The following RYR3 variants were observed in gnomAD, a reference collection of about 807,000 sequenced individuals.
RYR3 encodes brain ryanodine receptor-calcium release channel.
RYR3 carries 207 observed loss-of-function variants against 584.3 expected under a neutral mutation model. The ratio of observed to expected loss-of-function variants is 0.35; its 90% CI spans 0.32 to 0.40. RYR3 has a LOEUF of 0.40. Among genes scored for constraint, RYR3 ranks in the 10% least tolerant of loss-of-function variants. The pLI is 1.00. For synonymous variants in RYR3, 2,416 were observed against 2,248.5 expected (o/e 1.07, Z -2.11); for missense variants, 5,616 against 6,089.2 (o/e 0.92, Z 2.59).
At chr15:33,396,525 T>C (rs984537814) in intron 1 of RYR3, among the ~76,000 whole-genome samples, 1 of 152,196 alleles carries the variant, frequency 6.6e-6, no homozygotes, top group Non-Finnish European at 1.5e-5. Flanking sequence ...AGATGAGAGA[T>C]CTCAAGCCCC....
chr15:33,490,378 G>A (rs747199183), intron 2 of RYR3, among the ~76,000 whole-genome samples: 14 of 152,130 alleles, frequency 9.2e-5, no homozygotes, highest in Non-Finnish European at 1.9e-4. Flanking sequence ...TTTCATGAAG[G>A]ATCTTTGCTC....
intron 1 of RYR3, among the ~76,000 whole-genome samples, chr15:33,333,803 T>C (rs1970646156): frequency 6.6e-6 from 1 of 152,138 alleles, no homozygotes; most frequent in Non-Finnish European, 1.5e-5. Context: ...CCCCATAATC[T>C]CAGCCTAAAA....
intron 1 of RYR3, among the ~76,000 whole-genome samples, chr15:33,463,504 C>G (rs1331037096): frequency 1.3e-5 from 2 of 152,064 alleles, no homozygotes; most frequent in South Asian, 2.1e-4. Flanking sequence ...CATTATTTTT[C>G]CAACCTATGA....
At position 33,613,278 on chromosome 15, in the gene RYR3, T is replaced by C. The variant is rs767301523; in HGVS notation, c.2260T>C (p.Ser754Pro). The change falls in exon 19 of 104, where the codon TCA (serine) becomes CCA (proline). Residue 754 changes from serine (S) to proline (P), a missense_variant. By Grantham distance (74) the Ser-to-Pro change is moderately conservative. Around this residue, in one of 9 missense-constraint regions of RYR3, gnomAD observed 1,284 missense variants for 1,344.6 expected, o/e 0.95. Coordinates refer to ENST00000634891, the MANE Select transcript of RYR3 (RefSeq NM_001036.6). ...CCLDLGVPSI[S>P]FRINGQPVQG... Reference sequence around the variant, plus strand: ...CCTGGACCTCGGGGTGCCCAGCATCTCATTCCGCATCAATGGGCAGCCCGT... The same window carrying C: ...CCTGGACCTCGGGGTGCCCAGCATCCCATTCCGCATCAATGGGCAGCCCGT... 2 of 1,613,946 alleles carry C rather than the reference T, an allele frequency of 1.2e-6. No individual in the cohort carries two copies. The highest frequency in any genetic ancestry group is 3.3e-5 in the Admixed American group (2 of 60,022).
chr15:33,793,727 A>T (rs1156366368), intron 67 of RYR3, among the ~76,000 whole-genome samples: 1 of 151,940 alleles, frequency 6.6e-6, no homozygotes, highest in Non-Finnish European at 1.5e-5. Flanking sequence ...ATGCAGGACT[A>T]TTTGGGGGAA....
At chr15:33,320,092 C>A (rs1166663652) in intron 1 of RYR3, among the ~76,000 whole-genome samples, 2 of 152,194 alleles carry the variant, frequency 1.3e-5, no homozygotes, top group African/African-American at 4.8e-5. Flanking sequence ...GAGCTGCCTA[C>A]CATTGTGCAG....
intron 43 of RYR3, among the ~76,000 whole-genome samples, chr15:33,719,694 G>C (rs2067761605): frequency 1.3e-5 from 2 of 152,148 alleles, no homozygotes; most frequent in African/African-American, 4.8e-5. Flanking sequence ...TGAGACCACT[G>C]GCTTTTAGAA....
chr15:33,363,575 AT>A (rs541549776), intron 1 of RYR3, among the ~76,000 whole-genome samples: 299 of 152,306 alleles, frequency 2.0e-3, no homozygotes, highest in African/African-American at 7.0e-3. Context: ...TTGTATCCGT[AT>A]TTTTTTCAAA....
In RYR3 at chr15:33,785,988, G is replaced by A. The variant is rs575029619; in HGVS notation, c.9589+6G>A. ...CTGGATGAAGCGCATTGCAGGTACCGACCCCTTTCTCCCCAGTCCCCAGCC... is the reference window on the plus strand; with the variant it reads ...CTGGATGAAGCGCATTGCAGGTACCAACCCCTTTCTCCCCAGTCCCCAGCC... On this transcript the variant is annotated splice_donor_region_variant and intron_variant, in intron 66 of 103. Coordinates refer to ENST00000634891, the MANE Select transcript of RYR3 (RefSeq NM_001036.6). 404 of 1,545,282 alleles carry A rather than the reference G, an allele frequency of 2.6e-4. 1 individual carries two copies. The South Asian group carries it at 4.4e-3, about 17-fold the overall frequency.
intron 38 of RYR3, among the ~76,000 whole-genome samples, chr15:33,672,249 C>G (rs1324938130): frequency 6.6e-6 from 1 of 152,166 alleles, no homozygotes; most frequent in African/African-American, 2.4e-5. Flanking sequence ...GAAGCCTCCC[C>G]CTACATCTGT....
At chr15:33,693,054 G>T (rs188564883) in intron 38 of RYR3, among the ~76,000 whole-genome samples, 1 of 152,326 alleles carries the variant, frequency 6.6e-6, no homozygotes, top group East Asian at 1.9e-4. Flanking sequence ...TATCTGCAGA[G>T]AATTGTTTTG....
chr15:33,819,715 TAAATAAAA>T (rs770160910), intron 76 of RYR3, 33 bp from the exon 77 acceptor site: 1 of 1,137,926 alleles, frequency 8.8e-7, no homozygotes, highest in Non-Finnish European at 1.2e-6. Flanking sequence ...AATAAATAAA[TAAATAAAA>T]AGCCTGCTAA....
At chr15:33,484,727 A>G (rs2050265348) in intron 2 of RYR3, among the ~76,000 whole-genome samples, 1 of 152,190 alleles carries the variant, frequency 6.6e-6, no homozygotes, top group South Asian at 2.1e-4. Flanking sequence ...CTGACATATC[A>G]TTGAGTGAAA....
intron 1 of RYR3, among the ~76,000 whole-genome samples, chr15:33,422,317 T>C (rs2044296128): frequency 6.6e-6 from 1 of 152,190 alleles, no homozygotes; most frequent in South Asian, 2.1e-4. Flanking sequence ...ATCAGAATCT[T>C]TACTCCCCAG....
intron 1 of RYR3, among the ~76,000 whole-genome samples, chr15:33,368,215 TC>T (rs2141064931): frequency 6.6e-6 from 1 of 152,002 alleles, no homozygotes; most frequent in East Asian, 1.9e-4. Flanking sequence ...AACAAAAACA[TC>T]CCCACTGAGT....
chr15:33,806,144 T>G (rs1267261164), intron 69 of RYR3, among the ~76,000 whole-genome samples: 2 of 152,156 alleles, frequency 1.3e-5, no homozygotes, highest in African/African-American at 4.8e-5. Flanking sequence ...GGCCCGGGCT[T>G]GCCTTTGTCC....
At chr15:33,553,935 G>T (rs1432522553) in intron 10 of RYR3, among the ~76,000 whole-genome samples, 1 of 152,106 alleles carries the variant, frequency 6.6e-6, no homozygotes, top group African/African-American at 2.4e-5. Context: ...GTTGCCTTGA[G>T]CTCCGGCATA....
rs558381597 is a variant in RYR3, at chr15:33,492,186, G to A, written c.172-11445G>A. Reference sequence around the variant, plus strand: ...GATGAGTGTTACGTGCTTTCTTGCAGTGGGGATGTATAGTACAAATCCTTG... The same window carrying A: ...GATGAGTGTTACGTGCTTTCTTGCAATGGGGATGTATAGTACAAATCCTTG... On this transcript the variant is annotated intron_variant, in intron 2 of 103. Coordinates refer to ENST00000634891, the MANE Select transcript of RYR3 (RefSeq NM_001036.6). 1.2e-4 allele frequency among the ~76,000 whole-genome samples: 18 copies of A among 152,258 alleles called. 1 individual carries two copies. The South Asian group carries it at 3.1e-3, about 26-fold the overall frequency.
intron 60 of RYR3, 191 bp downstream of exon 60, chr15:33,757,787 G>A (rs1385074823): frequency 1.6e-6 from 1 of 622,372 alleles, no homozygotes; most frequent in Non-Finnish European, 2.8e-6. Flanking sequence ...GAGGTATACT[G>A]TGTGGGAGTA....
Sources: gnomAD v4.1 joint callset for allele counts (sites outside exome capture counted in the v4.1 genomes callset) on GRCh38, gnomAD v4.1.1 for gene constraint, gnomAD v4.1.1 regional missense constraint, MANE v1.5 for transcripts, NCBI Gene and HGNC (gene_info 2026-07-23, HGNC 2026-07-21) for gene names.